Variants in NKAIN2 observed in about 807,000 individuals in gnomAD.
NKAIN2 encodes the protein sodium/potassium-transporting ATPase subunit beta-1-interacting protein 2.
A neutral mutation model predicts 32.6 loss-of-function variants in NKAIN2; 14 were observed. The ratio of observed to expected loss-of-function variants is 0.43; its 90% CI spans 0.28 to 0.67. The LOEUF (loss-of-function observed/expected upper bound fraction) is 0.67, where lower values mean the gene tolerates loss of function less well. Ranked by LOEUF, NKAIN2 falls within the 30% of genes least tolerant of loss-of-function variation. The probability of loss-of-function intolerance (pLI) is 0.17; values close to 1 mark genes in which losing one functional copy is unlikely to be tolerated. For synonymous variants in NKAIN2, 80 were observed against 87.2 expected (o/e 0.92, Z 0.46); for missense variants, 198 against 258.3 (o/e 0.77, Z 1.60).
chr6:123,829,704 G>T (rs183451056), intron 1 of NKAIN2, among the ~76,000 whole-genome samples: 235 of 152,286 alleles, frequency 1.5e-3, no homozygotes, highest in African/African-American at 5.3e-3. Context: ...TGGTAGAACA[G>T]CTAATTTCTC....
At chr6:124,459,392 G>C (rs367788966) in intron 3 of NKAIN2, among the ~76,000 whole-genome samples, 26 of 151,918 alleles carry the variant, frequency 1.7e-4, no homozygotes, top group African/African-American at 6.0e-4. Context: ...GATATCAAAA[G>C]ATTATAAGAT....
At chr6:123,997,951 G>A (rs1779700432) in intron 1 of NKAIN2, among the ~76,000 whole-genome samples, 1 of 152,020 alleles carries the variant, frequency 6.6e-6, no homozygotes, top group Admixed American at 6.5e-5. Context: ...GGTGTCTTCA[G>A]GTATTTTCAA....
At chr6:124,784,365 C>T (rs894476966) in intron 4 of NKAIN2, among the ~76,000 whole-genome samples, 35 of 152,214 alleles carry the variant, frequency 2.3e-4, no homozygotes, top group African/African-American at 8.2e-4. Flanking sequence ...TGCCTTTTTA[C>T]GGCCACATTC....
chr6:124,280,128 C>A (rs73565639), intron 1 of NKAIN2, among the ~76,000 whole-genome samples: 1 of 152,030 alleles, frequency 6.6e-6, no homozygotes, highest in African/African-American at 2.4e-5. Context: ...AGGCCAAATA[C>A]ATACATTTCT....
chr6:124,429,739 T>G (rs962681618), intron 3 of NKAIN2, among the ~76,000 whole-genome samples: 4 of 152,160 alleles, frequency 2.6e-5, no homozygotes, highest in African/African-American at 9.7e-5. Context: ...GTGTTGGTGC[T>G]GGCACTGGTG....
At chr6:124,145,487 C>CTT (rs927552528) in intron 1 of NKAIN2, among the ~76,000 whole-genome samples, 1 of 137,742 alleles carries the variant, frequency 7.3e-6, no homozygotes, top group Non-Finnish European at 1.6e-5. Flanking sequence ...AACTGACAAA[C>CTT]TTTTTTTGTT....
intron 1 of NKAIN2, among the ~76,000 whole-genome samples, chr6:124,151,706 A>G (rs891322759): frequency 1.3e-5 from 2 of 152,032 alleles, no homozygotes; most frequent in Admixed American, 1.3e-4. Flanking sequence ...AGTATATCAC[A>G]GTATCACAAT....
chr6:124,280,559 T>C (rs1310270236), intron 1 of NKAIN2, among the ~76,000 whole-genome samples: 1 of 152,116 alleles, frequency 6.6e-6, no homozygotes, highest in African/African-American at 2.4e-5. Flanking sequence ...CAATCCTATT[T>C]ACCTCCCTTG....
intron 2 of NKAIN2, among the ~76,000 whole-genome samples, chr6:124,304,372 G>A (rs1245889556): frequency 2.0e-5 from 3 of 151,994 alleles, no homozygotes; most frequent in African/African-American, 4.8e-5. Flanking sequence ...TTTCCTATAT[G>A]CTTGATATAG....
intron 1 of NKAIN2, among the ~76,000 whole-genome samples, chr6:124,206,003 A>G (rs889226038): frequency 6.6e-6 from 1 of 151,856 alleles, no homozygotes; most frequent in Non-Finnish European, 1.5e-5. Context: ...CCTGATTTTG[A>G]TGGGAGAAAT....
intron 3 of NKAIN2, among the ~76,000 whole-genome samples, chr6:124,454,274 T>C (rs1326258182): frequency 1.3e-5 from 2 of 152,016 alleles, no homozygotes; most frequent in Admixed American, 6.6e-5. Context: ...ATTCTTTCTG[T>C]TTTAGTCCAG....
intron 3 of NKAIN2, among the ~76,000 whole-genome samples, chr6:124,366,919 C>A (rs1233807125): frequency 7.8e-6 from 1 of 128,202 alleles, no homozygotes; most frequent in African/African-American, 3.3e-5. Flanking sequence ...CAGAGTGAGA[C>A]CCTGTCTCGA....
chr6:124,497,824 T>TAAAAAAAAAAAAAA (rs33913104), intron 3 of NKAIN2, among the ~76,000 whole-genome samples: 2 of 105,708 alleles, frequency 1.9e-5, no homozygotes, highest in Admixed American at 9.9e-5. Context: ...GAGTAAGGGG[T>TAAAAAAAAAAAAAA]AAAAAAAAAA....
chr6:124,421,896 C>T (rs1774770479), intron 3 of NKAIN2, among the ~76,000 whole-genome samples: 2 of 152,098 alleles, frequency 1.3e-5, no homozygotes, highest in Admixed American at 1.3e-4. Context: ...GGTCAGAGAG[C>T]CCTTCTCGCA....
At chr6:124,071,292 C>A (rs1023987706) in intron 1 of NKAIN2, among the ~76,000 whole-genome samples, 14 of 152,086 alleles carry the variant, frequency 9.2e-5, no homozygotes, top group South Asian at 6.2e-4. Context: ...AAAGTGAACT[C>A]ATGCTTTTCA....
intron 3 of NKAIN2, among the ~76,000 whole-genome samples, chr6:124,508,020 A>G (rs558620136): frequency 6.6e-6 from 1 of 152,180 alleles, no homozygotes; most frequent in Non-Finnish European, 1.5e-5. Flanking sequence ...TGGCAGGCCA[A>G]GGCAGAAGGA....
intron 1 of NKAIN2, among the ~76,000 whole-genome samples, chr6:123,847,679 CTCTA>C (rs1229425006): frequency 6.6e-6 from 1 of 152,072 alleles, no homozygotes; most frequent in Non-Finnish European, 1.5e-5. Flanking sequence ...AATGATACAG[CTCTA>C]TCTTTGTTTT....
At chr6:124,823,131 T>A in intron 6 of NKAIN2, 89 bp from the exon 7 acceptor site, 1 of 897,098 alleles carries the variant, frequency 1.1e-6, no homozygotes, top group Non-Finnish European at 1.9e-6. Flanking sequence ...GTTTGTTTGC[T>A]CTTGTGCTTG....
rs868034942 is a variant in NKAIN2, at chr6:124,465,628, G to A, written c.273+110281G>A. Among the ~76,000 whole-genome samples the A allele has an allele frequency of 6.1e-3, 320 of 52,596 alleles. 1 individual carries two copies. The highest frequency in any genetic ancestry group is 0.025 in the African/African-American group (304 of 12,408). The allele number at this position is 52,596 out of a possible 152,430, so 34.5% of individuals were successfully genotyped here. On this transcript the variant is annotated intron_variant, in intron 3 of 6. Coordinates refer to ENST00000368417, the MANE Select transcript of NKAIN2 (RefSeq NM_001040214.3). ...CATGTATCCCAGGACTTAAAGTAAA[G>A]TTAAAAAAAAAAAAAAAAGAAATTC...
Sources: allele counts gnomAD v4.1 joint callset (sites outside exome capture counted in the v4.1 genomes callset), GRCh38; gene constraint gnomAD v4.1.1; transcripts MANE v1.5; gene names NCBI Gene and HGNC (gene_info 2026-07-23, HGNC 2026-07-21).